AFDN: variants seen among roughly 807,000 people sequenced by gnomAD.
AFDN encodes the protein afadin, adherens junction formation factor.
Under a neutral mutation model 216.6 loss-of-function variants are expected in AFDN, and 68 were observed. The ratio of observed to expected loss-of-function variants is 0.31; its 90% CI spans 0.26 to 0.38. The LOEUF (loss-of-function observed/expected upper bound fraction) is 0.38. Ranked by LOEUF, AFDN falls within the 10% of genes least tolerant of loss-of-function variation. The pLI is 1.00. For synonymous variants in AFDN, 868 were observed against 853.7 expected (o/e 1.02, Z -0.29); for missense variants, 2,136 against 2,342.0 (o/e 0.91, Z 1.82).
chr6:167,917,308 G>A, intron 20 of AFDN, 76 bp downstream of exon 20: 1 of 1,340,696 alleles, frequency 7.5e-7, no homozygotes, highest in Non-Finnish European at 9.8e-7. Context: ...AAAACAAAAG[G>A]AAATCCTATT....
intron 23 of AFDN, among the ~76,000 whole-genome samples, chr6:167,935,951 A>G (rs918868963): frequency 6.6e-6 from 1 of 152,196 alleles, no homozygotes; most frequent in African/African-American, 2.4e-5. Context: ...GTGCAGCACT[A>G]TCCGATAGAA....
chr6:167,912,379 T>C (rs1265717596), intron 15 of AFDN, among the ~76,000 whole-genome samples: 1 of 152,242 alleles, frequency 6.6e-6, no homozygotes, highest in East Asian at 1.9e-4. Context: ...ATAGATTGGT[T>C]GCTTTTCTCC....
intron 6 of AFDN, among the ~76,000 whole-genome samples, chr6:167,881,823 A>G (rs980872948): frequency 6.6e-6 from 1 of 152,232 alleles, no homozygotes; most frequent in African/African-American, 2.4e-5. Flanking sequence ...ACTGATGGCT[A>G]GAAGATTTAT....
In AFDN at chr6:167,917,239, G is replaced by A; in HGVS notation, c.2709+7G>A. On this transcript the variant is annotated splice_region_variant and intron_variant, in intron 20 of 33. Coordinates refer to ENST00000683244, the MANE Select transcript of AFDN (RefSeq NM_001386888.1). ...TGAGCCTTTTATCCCAACGGTGAGT[G>A]GATGTTGCCACATTACCACACAGTG... 1 of 1,580,526 alleles carries A rather than the reference G, an allele frequency of 6.3e-7. No homozygotes were observed. The highest frequency in any genetic ancestry group is 2.3e-5 in the East Asian group (1 of 43,820).
At chr6:167,857,456 T>G (rs1349043117) in intron 1 of AFDN, among the ~76,000 whole-genome samples, 4 of 152,070 alleles carry the variant, frequency 2.6e-5, no homozygotes, top group Non-Finnish European at 5.9e-5. Flanking sequence ...AGGAGAAATG[T>G]TACTTGGTAA....
chr6:167,955,604 C>G (rs911298464), intron 30 of AFDN, among the ~76,000 whole-genome samples: 1 of 152,170 alleles, frequency 6.6e-6, no homozygotes, highest in African/African-American at 2.4e-5. Flanking sequence ...AGCCAGCTCT[C>G]AGGCCCAAAG....
At chr6:167,916,285 G>T (rs1791052496) in intron 19 of AFDN, among the ~76,000 whole-genome samples, 1 of 152,150 alleles carries the variant, frequency 6.6e-6, no homozygotes, top group South Asian at 2.1e-4. Context: ...AGCTGATCTT[G>T]TTTTAACTTG....
intron 1 of AFDN, among the ~76,000 whole-genome samples, chr6:167,838,390 C>G (rs530752065): frequency 6.6e-6 from 1 of 152,280 alleles, no homozygotes; most frequent in African/African-American, 2.4e-5. Flanking sequence ...TGACTCTGCT[C>G]TGGATGTTGC....
intron 26 of AFDN, 22 bp from the exon 27 acceptor site, chr6:167,946,685 A>G (rs988849222): frequency 1.2e-6 from 2 of 1,606,290 alleles, no homozygotes; most frequent in Non-Finnish European, 1.7e-6. Flanking sequence ...CTTAAGAGAT[A>G]CTGAATATGC....
chr6:167,848,572 A>T (rs1275041953), intron 1 of AFDN, among the ~76,000 whole-genome samples: 2 of 152,106 alleles, frequency 1.3e-5, no homozygotes, highest in Admixed American at 1.3e-4. Context: ...TTTCTTCTGT[A>T]CTGATGTAAA....
intron 1 of AFDN, among the ~76,000 whole-genome samples, chr6:167,845,480 C>T (rs1282256150): frequency 6.6e-6 from 1 of 152,060 alleles, no homozygotes; most frequent in Non-Finnish European, 1.5e-5. Flanking sequence ...TCACTGGCAC[C>T]TCCACCTCCC....
intron 2 of AFDN, among the ~76,000 whole-genome samples, chr6:167,869,708 G>T (rs1171145196): frequency 6.6e-6 from 1 of 152,226 alleles, no homozygotes; most frequent in East Asian, 1.9e-4. Context: ...GGCTGTGTGA[G>T]GCTCTCACGG....
chr6:167,954,513 C>G (rs1417236579), intron 30 of AFDN: 4 of 1,598,684 alleles, frequency 2.5e-6, no homozygotes, highest in Non-Finnish European at 3.4e-6. Flanking sequence ...TGTTTCTTTC[C>G]CTTTGGTACT....
chr6:167,898,606 A>C lies in AFDN; in HGVS notation c.1580+139A>C, dbSNP rs185935064. The C allele has an allele frequency of 2.9e-6, 3 of 1,024,058 alleles. No homozygotes were observed. The East Asian group carries it at 7.9e-5, about 27-fold the overall frequency. The allele number at this position is 1,024,058 out of a possible 1,614,324, so 63.4% of individuals were successfully genotyped here. A position where few individuals can be genotyped will look rare whatever the true frequency, so the allele number is the denominator to read the frequency against. On this transcript the variant is annotated intron_variant, in intron 11 of 33. Coordinates refer to ENST00000683244, the MANE Select transcript of AFDN (RefSeq NM_001386888.1). Reference sequence around the variant, plus strand: ...AGTGAAGTTTGTGATTTTGGTTCCTATTGTTAACTTGGGTTGGTTTTAGAG... The same window carrying C: ...AGTGAAGTTTGTGATTTTGGTTCCTCTTGTTAACTTGGGTTGGTTTTAGAG...
intron 30 of AFDN, among the ~76,000 whole-genome samples, chr6:167,960,189 T>A (rs1042062219): frequency 6.6e-6 from 1 of 152,198 alleles, no homozygotes. Context: ...AAACAATTTA[T>A]GTTTTGGAGA....
intron 12 of AFDN, among the ~76,000 whole-genome samples, chr6:167,903,325 C>T (rs951510002): frequency 1.3e-5 from 2 of 152,204 alleles, no homozygotes; most frequent in African/African-American, 4.8e-5. Context: ...AGTTGGTAGC[C>T]AGTGGCTGGA....
chr6:167,948,008 A>C, intron 28 of AFDN, 64 bp downstream of exon 28: 1 of 1,166,944 alleles, frequency 8.6e-7, no homozygotes, highest in Non-Finnish European at 1.3e-6. Context: ...CCCTTTGGAC[A>C]TCTCAGTTAT....
At chr6:167,915,923 A>G (rs1258080968) in intron 19 of AFDN, among the ~76,000 whole-genome samples, 2 of 152,244 alleles carry the variant, frequency 1.3e-5, no homozygotes, top group Admixed American at 6.5e-5. Context: ...ATATATGTCA[A>G]TCTTCCAAAA....
Position 167,943,998 on chromosome 6 carries a change from G to A in AFDN, c.3297G>A (p.Gln1099=), listed in dbSNP as rs143139580. Residue 1099 remains glutamine, a synonymous_variant, in exon 26 of 34, where the codon CAG becomes CAA. Transcript: ENST00000683244. ...TGGTGACACTGGAAGTAGCAAAGCA[G>A]GGTGCCATCTACCACGGTCTGGCCA... is the stretch of plus-strand genomic sequence containing the variant. ...SSVVTLEVAK[Q]GAIYHGLATL... The A allele has an allele frequency of 1.6e-4, 266 of 1,614,070 alleles. No homozygotes were observed. Among genetic ancestry groups the A allele is most frequent in the Non-Finnish European group, 2.1e-4 (244 of 1,180,030 alleles).
Sources: allele counts gnomAD v4.1 joint callset (sites outside exome capture counted in the v4.1 genomes callset), GRCh38; gene constraint gnomAD v4.1.1; transcripts MANE v1.5; gene names NCBI Gene and HGNC (gene_info 2026-07-23, HGNC 2026-07-21).